Variants in SLC12A6 observed in about 807,000 individuals in gnomAD.
SLC12A6 encodes the protein solute carrier family 12 member 6, also known as K-Cl cotransporter 3.
In SLC12A6, 66 loss-of-function variants were observed where a neutral mutation model predicts 135.3. That is an observed-to-expected ratio of 0.49 (90% CI 0.40 to 0.60). SLC12A6 has a LOEUF of 0.60. SLC12A6 is among the 20% of genes least tolerant of loss of function. The pLI is 0.00. For missense variants in SLC12A6, 1,058 were observed against 1,452.3 expected, an observed-to-expected ratio of 0.73 and a Z score of 4.41; for synonymous variants, 513 against 508.8, an observed-to-expected ratio of 1.01 and a Z score of -0.11.
chr15:34,324,768 G>A (rs562379288), intron 2 of SLC12A6, among the ~76,000 whole-genome samples: 2 of 151,484 alleles, frequency 1.3e-5, no homozygotes, highest in Non-Finnish European at 2.9e-5. Flanking sequence ...CTCGAGTGTG[G>A]TATCATTTAG....
intron 3 of SLC12A6, 38 bp from the exon 4 acceptor site, chr15:34,261,058 G>T: frequency 1.9e-6 from 2 of 1,038,672 alleles, no homozygotes; most frequent in South Asian, 1.3e-5. Flanking sequence ...GTTTCTCACT[G>T]GTTTCTGACG....
At chr15:34,330,666 CA>C (rs921606204) in intron 2 of SLC12A6, among the ~76,000 whole-genome samples, 7 of 132,472 alleles carry the variant, frequency 5.3e-5, no homozygotes, top group Non-Finnish European at 9.7e-5. Context: ...GACCCTGTCT[CA>C]AAAAAAAAAC....
chr15:34,239,479 CT>C (rs1249522976), intron 19 of SLC12A6, among the ~76,000 whole-genome samples: 4 of 152,190 alleles, frequency 2.6e-5, no homozygotes, highest in African/African-American at 9.6e-5. Flanking sequence ...ATTCAACATT[CT>C]TTCTCAGTTG....
chr15:34,287,745 T>G (rs1265624705), intron 2 of SLC12A6, among the ~76,000 whole-genome samples: 4 of 152,240 alleles, frequency 2.6e-5, no homozygotes, highest in Non-Finnish European at 5.9e-5. Flanking sequence ...TGAGCATTTT[T>G]TCATATGTCT....
intron 2 of SLC12A6, among the ~76,000 whole-genome samples, chr15:34,308,465 G>A (rs1362579605): frequency 6.6e-6 from 1 of 151,670 alleles, no homozygotes; most frequent in Non-Finnish European, 1.5e-5. Flanking sequence ...TCTCTACTAA[G>A]AATATGAAAA....
At chr15:34,242,435 T>C (rs1162867496) in intron 16 of SLC12A6, among the ~76,000 whole-genome samples, 1 of 152,234 alleles carries the variant, frequency 6.6e-6, no homozygotes, top group Non-Finnish European at 1.5e-5. Context: ...CCACAAAAGT[T>C]TCTAAATGAT....
chr15:34,284,285 T>C (rs1208174873), intron 2 of SLC12A6, among the ~76,000 whole-genome samples: 47 of 140,030 alleles, frequency 3.4e-4, no homozygotes, highest in South Asian at 5.0e-4. Flanking sequence ...TTCTTTTTTT[T>C]TTTTTTTTTT....
chr15:34,328,550 G>A (rs1423115346), intron 2 of SLC12A6, among the ~76,000 whole-genome samples: 1 of 152,188 alleles, frequency 6.6e-6, no homozygotes, highest in Non-Finnish European at 1.5e-5. Context: ...GCAGTTTTGT[G>A]CTTGTACCTT....
intron 12 of SLC12A6, 130 bp downstream of exon 12, chr15:34,250,501 G>T: frequency 1.2e-6 from 1 of 825,260 alleles, no homozygotes; most frequent in African/African-American, 1.7e-5. Context: ...TATGAGGTAG[G>T]CAGATAATCT....
chr15:34,275,936 G>A (rs1163364269), intron 2 of SLC12A6, among the ~76,000 whole-genome samples: 1 of 152,130 alleles, frequency 6.6e-6, no homozygotes, highest in Admixed American at 6.6e-5. Context: ...GCAGATTAGA[G>A]GTTACCAGGG....
intron 2 of SLC12A6, among the ~76,000 whole-genome samples, chr15:34,284,866 G>A (rs934345444): frequency 1.3e-5 from 2 of 152,164 alleles, no homozygotes; most frequent in African/African-American, 2.4e-5. Context: ...TGTGACATCT[G>A]AGCAGAAAAT....
chr15:34,255,653 T>C (rs1892699659), intron 7 of SLC12A6, among the ~76,000 whole-genome samples: 1 of 152,108 alleles, frequency 6.6e-6, no homozygotes, highest in Admixed American at 6.6e-5. Flanking sequence ...AGAGAATATT[T>C]ACTATGACAT....
chr15:34,270,233 G>A (rs1893822678), intron 3 of SLC12A6, among the ~76,000 whole-genome samples: 2 of 151,596 alleles, frequency 1.3e-5, no homozygotes, highest in Admixed American at 1.3e-4. Flanking sequence ...GACTACAGGT[G>A]TGTGCCACCA....
chr15:34,254,823 A>C (rs1249906986), intron 8 of SLC12A6, among the ~76,000 whole-genome samples: 1 of 151,792 alleles, frequency 6.6e-6, no homozygotes, highest in Non-Finnish European at 1.5e-5. Flanking sequence ...CCAAATGGAA[A>C]GAAAGGAAAG....
At chr15:34,330,559 C>T (rs1305346889) in intron 2 of SLC12A6, among the ~76,000 whole-genome samples, 1 of 151,700 alleles carries the variant, frequency 6.6e-6, no homozygotes, top group Non-Finnish European at 1.5e-5. Context: ...TTCCCATCTA[C>T]TCAAGAGGCT....
intron 23 of SLC12A6, 146 bp from the exon 24 acceptor site, chr15:34,236,345 TC>T (rs1252325790): frequency 1.4e-6 from 1 of 702,516 alleles, no homozygotes; most frequent in African/African-American, 1.8e-5. Flanking sequence ...TATAGTATCA[TC>T]CCTTTTTTTT....
At chr15:34,238,136 C>T (rs1891397901) in intron 21 of SLC12A6, 96 bp downstream of exon 21, 2 of 892,754 alleles carry the variant, frequency 2.2e-6, no homozygotes, top group East Asian at 2.5e-5. Context: ...GATTCTAAAC[C>T]CCAACACTAT....
intron 22 of SLC12A6, 138 bp downstream of exon 22, chr15:34,237,277 GTTTT>G (rs1319499572): frequency 3.4e-6 from 2 of 586,432 alleles, no homozygotes; most frequent in Non-Finnish European, 5.7e-6. Context: ...ACAAATTAGG[GTTTT>G]TTTTTGTTTT....
At chr15:34,333,382 G>A (rs922682113) in intron 2 of SLC12A6, among the ~76,000 whole-genome samples, 15 of 151,800 alleles carry the variant, frequency 9.9e-5, no homozygotes, top group Non-Finnish European at 1.9e-4. Context: ...GGCGCACGCC[G>A]TCACGCCTGG....
Sources: allele counts gnomAD v4.1 joint callset (sites outside exome capture counted in the v4.1 genomes callset), GRCh38; gene constraint gnomAD v4.1.1; transcripts MANE v1.5; gene names NCBI Gene and HGNC (gene_info 2026-07-23, HGNC 2026-07-21).